Variants in GAPVD1 observed in about 807,000 individuals in gnomAD.
GAPVD1 encodes the protein GTPase-activating protein and VPS9 domain-containing protein 1.
Under a neutral mutation model 155.5 loss-of-function variants are expected in GAPVD1, and 35 were observed. The observed-to-expected ratio is 0.23, with a 90% CI of 0.17 to 0.30. The LOEUF is 0.30. Ranked by LOEUF, GAPVD1 falls within the 10% of genes least tolerant of loss-of-function variation. The probability of loss-of-function intolerance (pLI) is 1.00; values close to 1 mark genes in which losing one functional copy is unlikely to be tolerated. For missense variants in GAPVD1, 1,429 were observed against 1,775.7 expected (o/e 0.80, Z 3.51); for synonymous variants, 636 against 619.7 (o/e 1.03, Z -0.39).
At chr9:125,263,847 G>T (rs955818592) in intron 1 of GAPVD1, 5 of 1,225,960 alleles carry the variant, frequency 4.1e-6, no homozygotes, top group Non-Finnish European at 3.6e-6. Flanking sequence ...CAGTCTCCGG[G>T]GGGCAGATGA....
intron 1 of GAPVD1, among the ~76,000 whole-genome samples, chr9:125,267,225 TGGGAATCCGAG>T (rs1434519215): frequency 6.6e-6 from 1 of 152,206 alleles, no homozygotes; most frequent in Non-Finnish European, 1.5e-5. Context: ...CATTTTACTT[TGGGAATCCGAG>T]ACGGTCAGAT....
chr9:125,300,892 C>A (rs1464056507), intron 4 of GAPVD1, among the ~76,000 whole-genome samples: 1 of 151,442 alleles, frequency 6.6e-6, no homozygotes, highest in Non-Finnish European at 1.5e-5. Flanking sequence ...GGATTTGTTT[C>A]CAGAAGCAAA....
intron 2 of GAPVD1, among the ~76,000 whole-genome samples, chr9:125,273,743 C>G (rs1835279596): frequency 6.6e-6 from 1 of 151,876 alleles, no homozygotes; most frequent in South Asian, 2.1e-4. Context: ...ACAACTTGTA[C>G]CAGCATCCCC....
intron 18 of GAPVD1, 23 bp from the exon 19 acceptor site, chr9:125,342,196 T>A (rs1847924973): frequency 8.4e-7 from 1 of 1,189,096 alleles, no homozygotes; most frequent in Admixed American, 1.7e-5. Context: ...TATGTCACAC[T>A]ACTGACTTTA....
intron 25 of GAPVD1, 137 bp from the exon 26 acceptor site, chr9:125,359,283 C>T (rs908199816): frequency 1.5e-6 from 1 of 668,528 alleles, no homozygotes; most frequent in Middle Eastern, 2.5e-4. Context: ...AGGCTCAACT[C>T]TAACTGTAAT....
intron 24 of GAPVD1, 110 bp from the exon 25 acceptor site, chr9:125,355,534 A>G: frequency 1.5e-6 from 1 of 682,164 alleles, no homozygotes; most frequent in East Asian, 2.8e-5. Flanking sequence ...TGGCTTTAAG[A>G]TCATGGTGTC....
Position 125,341,217 on chromosome 9 carries a change from G to A in GAPVD1, c.2918G>A (p.Arg973Lys). 6.2e-7 allele frequency: 1 copy of A among 1,606,016 alleles called. No individual in the cohort carries two copies. Among genetic ancestry groups the A allele is most frequent in the Non-Finnish European group, 8.5e-7 (1 of 1,173,584 alleles). ...GATAGCGATGATGAGAAATCAGACA[G>A]GAACAGACCTTGGTGGAGAAAACGT... ...RKDSDDEKSD[R>K]NRPWWRKRFV... Residue 973 changes from arginine (R) to lysine (K), a missense_variant, in exon 18 of 28, where the codon AGG becomes AAG. Arg to Lys is a conservative substitution (Grantham distance 26). Transcript: ENST00000297933.
At position 125,363,554 on chromosome 9, in the gene GAPVD1, G is replaced by C. The variant is rs1457481878; in HGVS notation, c.*808G>C. 1 of 152,264 alleles carries C rather than the reference G, an allele frequency of 6.6e-6. No individual in the cohort carries two copies. The highest frequency in any genetic ancestry group is 2.4e-5 in the African/African-American group (1 of 41,442). The allele number at this position is 152,264 out of a possible 1,614,324, so 9.4% of individuals were successfully genotyped here. ...GGAAGTTTGTGAGCCTGCATTAGGA[G>C]ATAGACTGATTACCATACATGACAT... On this transcript the variant is annotated 3_prime_UTR_variant, in exon 28 of 28. Transcript: ENST00000297933.
At chr9:125,358,926 GC>G (rs762317211) in intron 25 of GAPVD1, among the ~76,000 whole-genome samples, 4 of 152,228 alleles carry the variant, frequency 2.6e-5, no homozygotes, top group Non-Finnish European at 4.4e-5. Context: ...GCTGGGTTCA[GC>G]CCCTGTTACT....
intron 23 of GAPVD1, among the ~76,000 whole-genome samples, chr9:125,352,038 G>A (rs1477121416): frequency 6.6e-6 from 1 of 152,156 alleles, no homozygotes; most frequent in Admixed American, 6.5e-5. Flanking sequence ...ACCACACCCA[G>A]CCAGGGTTCC....
At chr9:125,330,907 CA>C (rs1845975365) in intron 13 of GAPVD1, among the ~76,000 whole-genome samples, 1 of 152,078 alleles carries the variant, frequency 6.6e-6, no homozygotes, top group African/African-American at 2.4e-5. Flanking sequence ...AGATTTATCA[CA>C]GGGGAGAACT....
chr9:125,313,748 T>C (rs902453329), intron 9 of GAPVD1, among the ~76,000 whole-genome samples: 16 of 152,174 alleles, frequency 1.1e-4, no homozygotes, highest in Non-Finnish European at 2.1e-4. Flanking sequence ...CTTACAGGCA[T>C]GTGCCACCAC....
In GAPVD1 at chr9:125,346,415, GT is replaced by G. The variant is rs367737574; in HGVS notation, c.3047-396del. ...AGGGGTTTAAGTCTAAATTTGAATA[GT>G]TTTTTTTCCTCCTTCAGCATAGAGA... On this transcript the variant is annotated intron_variant, in intron 19 of 27. Transcript: ENST00000297933. 1.2e-3 allele frequency: 281 copies of G among 232,440 alleles called. 1 individual carries two copies. The highest frequency in any genetic ancestry group is 5.9e-3 in the African/African-American group (257 of 43,866). The allele number at this position is 232,440 out of a possible 1,614,324, so 14.4% of individuals were successfully genotyped here.
intron 5 of GAPVD1, 91 bp from the exon 6 acceptor site, chr9:125,304,972 A>T: frequency 1.3e-6 from 1 of 793,154 alleles, no homozygotes; most frequent in Non-Finnish European, 2.1e-6. Flanking sequence ...ACAGATTTTT[A>T]GAACAGAATA....
intron 2 of GAPVD1, among the ~76,000 whole-genome samples, chr9:125,292,853 C>A (rs1838835682): frequency 6.6e-6 from 1 of 152,168 alleles, no homozygotes; most frequent in Non-Finnish European, 1.5e-5. Context: ...AGCACACAGG[C>A]TCTCCTGACT....
intron 19 of GAPVD1, chr9:125,345,769 C>G (rs1848435170): frequency 6.6e-6 from 1 of 152,070 alleles, no homozygotes; most frequent in Non-Finnish European, 1.5e-5. Context: ...TAGCACAGTT[C>G]CTGGCATGTG....
rs1836504273 is a variant in GAPVD1 at position 125,280,045 on chromosome 9, G to C, written c.-150+11061G>C. On this transcript the variant is annotated intron_variant, in intron 2 of 27. Transcript: ENST00000297933. The stretch of plus-strand genomic sequence containing the variant: ...CCCAAAGTGCTGGGATTACAGGCGT[G>C]AGCCGCTGCGCTGGCCAAAACATAG... 3.3e-5 allele frequency among the ~76,000 whole-genome samples: 5 copies of C among 151,470 alleles called. No individual in the cohort carries two copies. In the South Asian group the frequency reaches 1.0e-3, roughly 32 times the overall value.
intron 17 of GAPVD1, among the ~76,000 whole-genome samples, chr9:125,337,962 G>T (rs1243581593): frequency 6.6e-6 from 1 of 151,894 alleles, no homozygotes; most frequent in Non-Finnish European, 1.5e-5. Flanking sequence ...TGCTACCTCC[G>T]CCTCCCAGGT....
chr9:125,266,042 A>G (rs1277507833), intron 1 of GAPVD1, among the ~76,000 whole-genome samples: 1 of 150,986 alleles, frequency 6.6e-6, no homozygotes, highest in Non-Finnish European at 1.5e-5. Flanking sequence ...AGCCCTTAGT[A>G]AAGTTGAAGA....
Sources: gnomAD v4.1 joint callset for allele counts (sites outside exome capture counted in the v4.1 genomes callset) on GRCh38, gnomAD v4.1.1 for gene constraint, MANE v1.5 for transcripts, NCBI Gene and HGNC (gene_info 2026-07-23, HGNC 2026-07-21) for gene names.